Variants in BIRC3 observed in about 807,000 individuals in gnomAD.
BIRC3 encodes the protein baculoviral IAP repeat-containing protein 3.
Under a neutral mutation model 59.0 loss-of-function variants are expected in BIRC3, and 26 were observed. That is an observed-to-expected ratio of 0.44 (90% CI 0.32 to 0.61). The LOEUF is 0.61. Ranked by LOEUF, BIRC3 falls within the 20% of genes least tolerant of loss-of-function variation. The pLI is 0.04. For synonymous variants in BIRC3, 243 were observed against 249.2 expected (o/e 0.98, Z 0.24); for missense variants, 641 against 711.5 (o/e 0.90, Z 1.13).
At chr11:102,329,029 C>A in intron 5 of BIRC3, 84 bp downstream of exon 5, 4 of 795,042 alleles carry the variant, frequency 5.0e-6, no homozygotes, top group Non-Finnish European at 5.8e-6. Context: ...AGTAATGTAC[C>A]TGTATATTGA....
chr11:102,332,883 G>A (rs1469125582), intron 6 of BIRC3, among the ~76,000 whole-genome samples: 1 of 152,118 alleles, frequency 6.6e-6, no homozygotes, highest in East Asian at 1.9e-4. Flanking sequence ...CCTTCCTGTA[G>A]CCTTCTTAGT....
At chr11:102,328,876 A>T (rs202102067) in intron 4 of BIRC3, 21 bp from the exon 5 acceptor site, 112 of 649,242 alleles carry the variant, frequency 1.7e-4, no homozygotes, top group Middle Eastern at 6.0e-4. Flanking sequence ...ATATATATAT[A>T]TATATTTTTT....
intron 3 of BIRC3, among the ~76,000 whole-genome samples, chr11:102,326,168 C>A (rs1051333634): frequency 2.0e-5 from 3 of 152,162 alleles, no homozygotes; most frequent in African/African-American, 7.2e-5. Context: ...GACCCCTGGT[C>A]TCCTAAGTTT....
intron 3 of BIRC3, 47 bp downstream of exon 3, chr11:102,325,612 G>A: frequency 1.3e-6 from 2 of 1,556,182 alleles, no homozygotes; most frequent in Non-Finnish European, 1.8e-6. Context: ...ATTATCATGA[G>A]ATTGCTTATA....
Position 102,322,473 on chromosome 11 carries a change from G to T in BIRC3, c.-2037G>T, listed in dbSNP as rs1208966717. ...GTCCAAAAGTTTGTTTAAATGGGCT[G>T]TTACCGCTGAGAATGATGAGGATGA... is the stretch of plus-strand genomic sequence containing the variant. On this transcript the variant is annotated 5_prime_UTR_variant, in exon 2 of 9. Transcript: ENST00000263464. 1 of 205,500 alleles carries T rather than the reference G, an allele frequency of 4.9e-6. No individual in the cohort carries two copies. Among genetic ancestry groups the T allele is most frequent in the East Asian group, 7.4e-5 (1 of 13,424 alleles). The allele number at this position is 205,500 out of a possible 1,614,324, so 12.7% of individuals were successfully genotyped here.
intron 7 of BIRC3, 136 bp from the exon 8 acceptor site, chr11:102,336,624 A>T (rs973232019): frequency 2.4e-6 from 2 of 834,760 alleles, no homozygotes; most frequent in African/African-American, 1.8e-5. Flanking sequence ...TATTAGTTAC[A>T]TAAAAAGATT....
Position 102,322,798 on chromosome 11 carries a change from A to T in BIRC3, c.-1712A>T. 4.7e-6 allele frequency: 1 copy of T among 210,926 alleles called. No individual in the cohort carries two copies. 13.1% of individuals were successfully genotyped at this position (210,926 alleles called of 1,614,324 possible). On this transcript the variant is annotated 5_prime_UTR_variant, in exon 2 of 9. Transcript: ENST00000263464. ...CTGGTAAAAAAAAAAAAAAAAAAAAAAAAAAGCCACAGTGACTTGCTTATT... is the reference window on the plus strand; with the variant it reads ...CTGGTAAAAAAAAAAAAAAAAAAAATAAAAAGCCACAGTGACTTGCTTATT...
chr11:102,331,905 T>C (rs1288188529), intron 6 of BIRC3, among the ~76,000 whole-genome samples: 1 of 152,114 alleles, frequency 6.6e-6, no homozygotes, highest in East Asian at 1.9e-4. Context: ...CCTCCCAAAG[T>C]GCTGGGATTA....
In BIRC3 at chr11:102,322,133, T is replaced by G. The variant is rs1951036881; in HGVS notation, c.-2377T>G. On this transcript the variant is annotated 5_prime_UTR_variant, in exon 2 of 9. Transcript: ENST00000263464. Reference sequence around the variant, plus strand: ...GCTGGGGCATATTGTTAAAGCATTTTTTTCAGAGTTGGCCAGGCAGTCTCC... The same window carrying G: ...GCTGGGGCATATTGTTAAAGCATTTGTTTCAGAGTTGGCCAGGCAGTCTCC... The G allele has an allele frequency of 4.9e-6, 1 of 204,160 alleles. No individual in the cohort carries two copies. Among genetic ancestry groups the G allele is most frequent in the African/African-American group, 2.3e-5 (1 of 43,666 alleles). 12.6% of individuals were successfully genotyped at this position (204,160 alleles called of 1,614,324 possible).
intron 1 of BIRC3, among the ~76,000 whole-genome samples, chr11:102,319,230 T>G (rs1412592079): frequency 1.3e-5 from 2 of 150,608 alleles, no homozygotes; most frequent in African/African-American, 4.9e-5. Flanking sequence ...TTTTTTTTAG[T>G]AGAGACGGGG....
chr11:102,327,646 A>G (rs12288713), intron 3 of BIRC3, among the ~76,000 whole-genome samples: 2,874 of 152,248 alleles, frequency 0.019, 68 homozygotes, highest in African/African-American at 0.066. Context: ...TCTAAAAAAA[A>G]AAAAATTAGC....
chr11:102,334,813 A>ATTT (rs1951180537), intron 6 of BIRC3, among the ~76,000 whole-genome samples: 1 of 152,224 alleles, frequency 6.6e-6, no homozygotes, highest in Non-Finnish European at 1.5e-5. Flanking sequence ...ACGAGAAGGT[A>ATTT]GTCGTTGACA....
chr11:102,321,676 T>C (rs577756634), intron 1 of BIRC3, among the ~76,000 whole-genome samples, 161 bp from the exon 2 acceptor site: 1 of 152,338 alleles, frequency 6.6e-6, no homozygotes, highest in South Asian at 2.1e-4. Flanking sequence ...TTTTTATCTC[T>C]TTTTGGCCTC....
chr11:102,325,904 A>G (rs1290006433), intron 3 of BIRC3, among the ~76,000 whole-genome samples: 1 of 152,136 alleles, frequency 6.6e-6, no homozygotes, highest in Non-Finnish European at 1.5e-5. Context: ...GAGCATGGTT[A>G]CCACTTTAGT....
Position 102,325,276 on chromosome 11 carries a change from C to T in BIRC3, c.767C>T (p.Ala256Val), listed in dbSNP as rs770645813. ...TVSNLSMQTHAARFKTFFNWP... is the reference protein window; with the variant it reads ...TVSNLSMQTHVARFKTFFNWP... Reference sequence around the variant, plus strand: ...TCTAATCTGAGCATGCAGACACATGCAGCCCGCTTTAAAACATTCTTTAAC... The same window carrying T: ...TCTAATCTGAGCATGCAGACACATGTAGCCCGCTTTAAAACATTCTTTAAC... The change falls in exon 2 of 9, where the codon GCA (alanine) becomes GTA (valine). Residue 256 changes from alanine (A) to valine (V), a missense_variant. Ala to Val is a moderately conservative substitution (Grantham distance 64, BLOSUM62 0). Transcript: ENST00000263464. The T allele has an allele frequency of 5.0e-6, 8 of 1,614,154 alleles. No individual in the cohort carries two copies. The East Asian group carries it at 1.8e-4, about 36-fold the overall frequency.
rs1951214651 is a variant in BIRC3 at position 102,337,996 on chromosome 11, C to A, written c.*894C>A. The A allele has an allele frequency of 4.4e-6, 1 of 226,404 alleles. No individual in the cohort carries two copies. The highest frequency in any genetic ancestry group is 8.8e-6 in the Non-Finnish European group (1 of 113,918). The allele number at this position is 226,404 out of a possible 1,614,324, so 14.0% of individuals were successfully genotyped here. A position where few individuals can be genotyped will look rare whatever the true frequency, so the allele number is the denominator to read the frequency against. Reference sequence around the variant, plus strand: ...TCATTCAAGAAGTCTCATGCCAGCCCCACCTATTGGAAGAAGGTCTGAGTT... The same window carrying A: ...TCATTCAAGAAGTCTCATGCCAGCCACACCTATTGGAAGAAGGTCTGAGTT... On this transcript the variant is annotated 3_prime_UTR_variant, in exon 9 of 9. Transcript: ENST00000263464.
rs1394418106 is a variant in BIRC3 at position 102,335,987 on chromosome 11, A to G, written c.1346A>G (p.Lys449Arg). Residue 449 changes from lysine (K) to arginine (R), a missense_variant, in exon 7 of 9, where the codon AAG becomes AGG. Transcript: ENST00000263464. The part of the protein sequence containing the change: ...KESNDLLLIR[K>R]NRMALFQHLT... ...AAAGATGATTTATTATTAATCCGGAAGAATAGAATGGCACTTTTTCAACAT... is the reference window on the plus strand; with the variant it reads ...AAAGATGATTTATTATTAATCCGGAGGAATAGAATGGCACTTTTTCAACAT... 6.2e-7 allele frequency: 1 copy of G among 1,608,130 alleles called. No homozygotes were observed. The highest frequency in any genetic ancestry group is 8.5e-7 in the Non-Finnish European group (1 of 1,177,954).
At chr11:102,336,601 T>C (rs914897279) in intron 7 of BIRC3, 159 bp from the exon 8 acceptor site, 1 of 719,870 alleles carries the variant, frequency 1.4e-6, no homozygotes, top group East Asian at 2.9e-5. Flanking sequence ...AAAAAATCAA[T>C]CTAATTTATA....
rs1951205992 is a variant in BIRC3, at chr11:102,337,223, T to C, written c.*121T>C. 1.4e-6 allele frequency: 1 copy of C among 707,294 alleles called. No individual in the cohort carries two copies. The highest frequency in any genetic ancestry group is 2.1e-6 in the Non-Finnish European group (1 of 483,806). 43.8% of individuals were successfully genotyped at this position (707,294 alleles called of 1,614,324 possible). Reference sequence around the variant, plus strand: ...TTTATTTACAACTCAAAAAACATTGTTTTGTGTAACATATTTATATATGTA... The same window carrying C: ...TTTATTTACAACTCAAAAAACATTGCTTTGTGTAACATATTTATATATGTA... On this transcript the variant is annotated 3_prime_UTR_variant, in exon 9 of 9. Transcript: ENST00000263464.
Sources: allele counts gnomAD v4.1 joint callset (sites outside exome capture counted in the v4.1 genomes callset), GRCh38; gene constraint gnomAD v4.1.1; transcripts MANE v1.5; gene names NCBI Gene and HGNC (gene_info 2026-07-23, HGNC 2026-07-21).